AMZ1: variants seen among roughly 807,000 people sequenced by gnomAD.
AMZ1 encodes the protein archaemetzincin-1.
Under a neutral mutation model 29.9 loss-of-function variants are expected in AMZ1, and 39 were observed. The ratio of observed to expected loss-of-function variants is 1.30; its 90% confidence interval spans 1.01 to 1.70. AMZ1 has a LOEUF of 1.70. AMZ1 is among the 40% of genes most tolerant of loss of function. The probability of loss-of-function intolerance (pLI) is 0.00; values close to 1 mark genes in which losing one functional copy is unlikely to be tolerated. For synonymous variants in AMZ1, 458 were observed against 304.0 expected (o/e 1.51, Z -5.27); for missense variants, 1,041 against 680.6 (o/e 1.53, Z -5.89).
At chr7:2,712,211 T>C in intron 6 of AMZ1, 119 bp from the exon 7 acceptor site, 2 of 1,110,248 alleles carry the variant, frequency 1.8e-6, no homozygotes, top group Non-Finnish European at 2.5e-6. Flanking sequence ...CCAGCCTGAC[T>C]CCCGCCCCTG....
At chr7:2,723,097 T>G (rs1369847055), downstream of AMZ1, among the ~76,000 whole-genome samples, 1 of 152,102 alleles carries the variant, frequency 6.6e-6, no homozygotes, top group Non-Finnish European at 1.5e-5. Flanking sequence ...GTGAGTGGTG[T>G]AGAAATTATA....
chr7:2,758,182 A>G (rs571375780), intron 4 of AMZ1, among the ~76,000 whole-genome samples: 27 of 152,256 alleles, frequency 1.8e-4, no homozygotes, highest in African/African-American at 5.8e-4. Flanking sequence ...CATCTCCCCA[A>G]CTATCGATGC....
At chr7:2,739,384 C>CAG (rs2115320278) in intron 4 of AMZ1, among the ~76,000 whole-genome samples, 1 of 152,340 alleles carries the variant, frequency 6.6e-6, no homozygotes, top group African/African-American at 2.4e-5. Context: ...ACACAGCATG[C>CAG]AGCCCTTTGT....
chr7:2,709,721 C>G lies in AMZ1; in HGVS notation c.853C>G (p.Leu285Val). The change falls in exon 6 of 7, where the codon CTG becomes GTG. Residue 285 changes from leucine to valine, a missense_variant. Transcript: ENST00000683327. The part of the protein sequence containing the change: ...LRCLMQGALS[L>V]DEALRRPLDL... ...CTGCCTCATGCAGGGTGCGCTCAGC[C>G]TGGACGAGGCCCTGCGGCGGCCCCT... 1 of 1,611,332 alleles carries G rather than the reference C, an allele frequency of 6.2e-7. No individual in the cohort carries two copies. Among genetic ancestry groups the G allele is most frequent in the Non-Finnish European group, 8.5e-7 (1 of 1,179,850 alleles).
chr7:2,689,710 A>C (rs1787274216), intron 1 of AMZ1, among the ~76,000 whole-genome samples: 1 of 152,240 alleles, frequency 6.6e-6, no homozygotes, highest in African/African-American at 2.4e-5. Flanking sequence ...GGACGCAGGC[A>C]TGAGACCTGT....
At chr7:2,750,216 A>C (rs1790964610) in intron 4 of AMZ1, among the ~76,000 whole-genome samples, 1 of 152,348 alleles carries the variant, frequency 6.6e-6, no homozygotes, top group Middle Eastern at 3.4e-3. Context: ...CAAGGAGAAC[A>C]AACTGCAAGT....
At chr7:2,683,104 G>T (rs1220733513) in intron 1 of AMZ1, among the ~76,000 whole-genome samples, 1 of 152,204 alleles carries the variant, frequency 6.6e-6, no homozygotes, top group Non-Finnish European at 1.5e-5. Context: ...CCAATGCCCC[G>T]GGAGAGTTTT....
intron 1 of AMZ1, among the ~76,000 whole-genome samples, chr7:2,689,557 G>C (rs1470983231): frequency 6.6e-6 from 1 of 152,194 alleles, no homozygotes; most frequent in Non-Finnish European, 1.5e-5. Context: ...GAGCAGCTGG[G>C]GTTCCAGTGT....
In AMZ1 at chr7:2,735,933, A is replaced by G. The variant is rs1046482036; in HGVS notation, n.550+26117A>G. Among the ~76,000 whole-genome samples, 3 of 152,180 alleles carry G rather than the reference A, an allele frequency of 2.0e-5. No homozygotes were observed. In the East Asian group the frequency reaches 5.8e-4, roughly 29 times the overall value. On this transcript the variant is annotated intron_variant and non_coding_transcript_variant, in intron 4 of 4. Transcript: ENST00000489665. ...GACACAGAGCAACCCTGTGTGATCC[A>G]GAACGCTGTCACTCACATCCGCACT...
At chr7:2,728,549 G>C (rs911014587) in intron 4 of AMZ1, 2 of 152,416 alleles carry the variant, frequency 1.3e-5, no homozygotes, top group Admixed American at 6.5e-5. Context: ...ATAGCTATGA[G>C]GAACAGATCT....
In AMZ1 at chr7:2,731,199, C is replaced by T; in HGVS notation, n.550+21383C>T. On this transcript the variant is annotated intron_variant and non_coding_transcript_variant, in intron 4 of 4. Coordinates refer to the AMZ1 transcript ENST00000489665. This position sits in a 1 kb window ranked among gnomAD's most constrained non-coding sequence, Gnocchi z 6.0. ...TCCTCGCTCACTGCAGCATGATGTC[C>T]TTCAGGTTCTCCTGCAGGATGGTGT... The T allele has an allele frequency of 6.2e-7, 1 of 1,611,724 alleles. No individual in the cohort carries two copies. The highest frequency in any genetic ancestry group is 1.1e-5 in the South Asian group (1 of 90,948).
In AMZ1 at chr7:2,697,534, C is replaced by G. The variant is rs530582480; in HGVS notation, c.-218-2700C>G. Among the ~76,000 whole-genome samples the G allele has an allele frequency of 6.6e-5, 10 of 152,010 alleles. No individual in the cohort carries two copies. The East Asian group carries it at 1.5e-3, about 24-fold the overall frequency. On this transcript the variant is annotated intron_variant, in intron 1 of 6. Coordinates refer to ENST00000683327, the MANE Select transcript of AMZ1 (RefSeq NM_001384743.1). The stretch of plus-strand genomic sequence containing the variant: ...GACTTTCTGGGCTCAGGTGATCCTT[C>G]CACGTCAGCCTCCTGAGTTGCTGGG...
At chr7:2,743,154 C>A (rs1297768190) in intron 4 of AMZ1, among the ~76,000 whole-genome samples, 2 of 152,170 alleles carry the variant, frequency 1.3e-5, no homozygotes, top group Non-Finnish European at 2.9e-5. Flanking sequence ...TAAACTTTGC[C>A]TAAGAGCCTG....
upstream of AMZ1, chr7:2,763,332 G>A (rs745751859): frequency 4.7e-4 from 76 of 161,788 alleles, no homozygotes; most frequent in Admixed American, 1.4e-3. Context: ...CACAAATGCC[G>A]GTGCGCCCTC....
intron 1 of AMZ1, among the ~76,000 whole-genome samples, chr7:2,682,033 C>T (rs899437579): frequency 5.3e-5 from 8 of 152,180 alleles, no homozygotes; most frequent in Non-Finnish European, 1.0e-4. Flanking sequence ...TTGCACTGAG[C>T]GCGCCCCCAG....
chr7:2,692,640 G>A lies in AMZ1; in HGVS notation c.-219+4344G>A, dbSNP rs141986567. On this transcript the variant is annotated intron_variant, in intron 1 of 6. Transcript: ENST00000683327. ...CAGGGGTTTCCTGGGCGCCTCTTCC[G>A]TAGCGAGGTCCCCAGGAGTCCCCGA... Among the ~76,000 whole-genome samples, 1,074 of 152,180 alleles carry A rather than the reference G, an allele frequency of 7.1e-3. 16 individuals carry two copies. Among genetic ancestry groups the A allele is most frequent in the African/African-American group, 0.024 (1,005 of 41,526 alleles).
In AMZ1 at chr7:2,692,913, G is replaced by A. The variant is rs964405856; in HGVS notation, c.-219+4617G>A. Among the ~76,000 whole-genome samples, 10 of 152,152 alleles carry A rather than the reference G, an allele frequency of 6.6e-5. No homozygotes were observed. In the East Asian group the frequency reaches 7.7e-4, roughly 12 times the overall value. ...CACTGGCCTCCTCCGGCTGTCCCCT[G>A]AGCCCCCAGACGTATCTGCTGCGGG... is the stretch of plus-strand genomic sequence containing the variant. On this transcript the variant is annotated intron_variant, in intron 1 of 6. Transcript: ENST00000683327.
At chr7:2,720,615 G>A (rs1789378219), downstream of AMZ1, among the ~76,000 whole-genome samples, 1 of 151,994 alleles carries the variant, frequency 6.6e-6, no homozygotes, top group Non-Finnish European at 1.5e-5. Context: ...GTGCTGGCCA[G>A]GCTGGTCTTG....
chr7:2,690,217 G>GAGAGAGAC (rs1787303819), intron 1 of AMZ1, among the ~76,000 whole-genome samples: 1 of 152,060 alleles, frequency 6.6e-6, no homozygotes, highest in Non-Finnish European at 1.5e-5. Flanking sequence ...GTGAGAGAGA[G>GAGAGAGAC]AGAGAGACAG....
Sources: gnomAD v4.1 joint callset for allele counts (sites outside exome capture counted in the v4.1 genomes callset) on GRCh38, gnomAD v4.1.1 for gene constraint, Gnocchi (gnomAD v3.1) non-coding constraint, MANE v1.5 for transcripts, NCBI Gene and HGNC (gene_info 2026-07-23, HGNC 2026-07-21) for gene names.